Variants in RYR2 observed in about 807,000 individuals in gnomAD.
RYR2 encodes ryanodine receptor 2, also known as cardiac muscle ryanodine receptor-calcium release channel.
RYR2 carries 227 observed loss-of-function variants against 601.1 expected under a neutral mutation model. That is an observed-to-expected ratio of 0.38 (90% confidence interval 0.34 to 0.42). The LOEUF is 0.42. RYR2 is among the 10% of genes least tolerant of loss of function. RYR2 has a pLI of 1.00. For missense variants in RYR2, 4,646 were observed against 6,156.5 expected, an observed-to-expected ratio of 0.75 and a Z score of 8.21; for synonymous variants, 2,223 against 2,175.1, an observed-to-expected ratio of 1.02 and a Z score of -0.61.
intron 56 of RYR2, among the ~76,000 whole-genome samples, chr1:237,665,280 T>C (rs1684208065): frequency 6.6e-6 from 1 of 150,964 alleles, no homozygotes; most frequent in South Asian, 2.1e-4. Flanking sequence ...GTGCCTGTAA[T>C]CCCAGCTACT....
At chr1:237,808,313 C>T (rs1440112590) in intron 99 of RYR2, among the ~76,000 whole-genome samples, 1 of 151,978 alleles carries the variant, frequency 6.6e-6, no homozygotes, top group Non-Finnish European at 1.5e-5. Flanking sequence ...ACAGTCATAA[C>T]AAAAACGAAA....
At chr1:237,521,394 T>C (rs965545434) in intron 24 of RYR2, among the ~76,000 whole-genome samples, 4 of 152,184 alleles carry the variant, frequency 2.6e-5, no homozygotes, top group African/African-American at 9.7e-5. Flanking sequence ...GGTGACCATG[T>C]CAATCTTTCT....
rs1206114481 is a variant in RYR2, at chr1:237,723,140, G to A, written c.10567G>A (p.Ala3523Thr). Residue 3523 changes from alanine to threonine, a missense_variant, in exon 74 of 105, where the codon GCT (alanine) becomes ACT (threonine). Ala to Thr is a moderately conservative substitution (Grantham distance 58). Around this residue, in one of 17 missense-constraint regions of RYR2, gnomAD observed 1,497 missense variants for 1,842.6 expected, o/e 0.81. Coordinates refer to ENST00000366574, the MANE Select transcript of RYR2 (RefSeq NM_001035.3). ...CTTTTTTCTGCAGTTGGAGGATCCT[G>A]CTATTAGATGGCAAATGGCTCTTTA... ...IHLQGKLEDP[A>T]IRWQMALYKD... 19 of 1,608,754 alleles carry A rather than the reference G, an allele frequency of 1.2e-5. No homozygotes were observed. Among genetic ancestry groups the A allele is most frequent in the Non-Finnish European group, 1.5e-5 (18 of 1,178,298 alleles).
intron 99 of RYR2, among the ~76,000 whole-genome samples, chr1:237,807,839 A>G (rs1207101640): frequency 6.6e-6 from 1 of 152,218 alleles, no homozygotes; most frequent in Non-Finnish European, 1.5e-5. Flanking sequence ...GTTGCAGTCA[A>G]GACCATAAAG....
chr1:237,054,173 C>T (rs1489192012), intron 1 of RYR2, among the ~76,000 whole-genome samples: 1 of 151,428 alleles, frequency 6.6e-6, no homozygotes, highest in Non-Finnish European at 1.5e-5. Context: ...TCCTCCCTCC[C>T]TCCTTCCCTC....
At chr1:237,680,685 T>C in intron 62 of RYR2, 108 bp downstream of exon 62, 1 of 717,922 alleles carries the variant, frequency 1.4e-6, no homozygotes, top group Non-Finnish European at 2.2e-6. Context: ...ATCTGCCCAT[T>C]TCCCTGGTCC....
chr1:237,507,256 A>G (rs1665366734), intron 23 of RYR2, among the ~76,000 whole-genome samples: 1 of 152,228 alleles, frequency 6.6e-6, no homozygotes, highest in Non-Finnish European at 1.5e-5. Flanking sequence ...CCTGTGGGCA[A>G]GTGTTCCTAG....
intron 1 of RYR2, among the ~76,000 whole-genome samples, chr1:237,209,717 G>A (rs1682356124): frequency 6.6e-6 from 1 of 152,076 alleles, no homozygotes. Flanking sequence ...TTAGCCAGGT[G>A]TGGTGATGCA....
At chr1:237,333,188 T>G (rs778380465) in intron 3 of RYR2, among the ~76,000 whole-genome samples, 2 of 152,198 alleles carry the variant, frequency 1.3e-5, no homozygotes, top group Non-Finnish European at 2.9e-5. Flanking sequence ...AAGTATAATT[T>G]GAGGAAAAAC....
chr1:237,207,913 T>G (rs1462537086), intron 1 of RYR2, among the ~76,000 whole-genome samples: 1 of 152,232 alleles, frequency 6.6e-6, no homozygotes, highest in Admixed American at 6.5e-5. Flanking sequence ...ATTAATCTTT[T>G]CTTGTTTTTC....
intron 1 of RYR2, among the ~76,000 whole-genome samples, chr1:237,131,277 T>C (rs577429829): frequency 3.9e-5 from 6 of 152,172 alleles, no homozygotes; most frequent in African/African-American, 1.4e-4. Flanking sequence ...ACTCAACTTC[T>C]CACACTAATG....
At chr1:237,237,667 A>G (rs1685684519) in intron 1 of RYR2, among the ~76,000 whole-genome samples, 1 of 152,176 alleles carries the variant, frequency 6.6e-6, no homozygotes, top group African/African-American at 2.4e-5. Flanking sequence ...TATTTCTTTG[A>G]CATATTTTGA....
At chr1:237,385,484 C>T (rs1483631476) in intron 8 of RYR2, among the ~76,000 whole-genome samples, 2 of 152,270 alleles carry the variant, frequency 1.3e-5, no homozygotes, top group East Asian at 3.9e-4. Flanking sequence ...ATTACAAGCA[C>T]CCTTGGGGTG....
At chr1:237,399,437 C>A (rs1269716951) in intron 10 of RYR2, among the ~76,000 whole-genome samples, 1 of 152,050 alleles carries the variant, frequency 6.6e-6, no homozygotes. Context: ...CTTGAAGGAA[C>A]TTTGTGGCGT....
chr1:237,511,117 T>C (rs576417224), intron 23 of RYR2, among the ~76,000 whole-genome samples: 2 of 152,254 alleles, frequency 1.3e-5, no homozygotes, highest in East Asian at 3.9e-4. Context: ...TTACACAGGA[T>C]TTATTTCAAT....
At chr1:237,542,387 C>T (rs1412166674) in intron 25 of RYR2, among the ~76,000 whole-genome samples, 2 of 152,180 alleles carry the variant, frequency 1.3e-5, no homozygotes, top group African/African-American at 2.4e-5. Flanking sequence ...CACCTGAAAG[C>T]ATTCTACTGC....
rs186552982 is a variant in RYR2 at position 237,320,506 on chromosome 1, T to C, written c.169-10372T>C. 2.0e-5 allele frequency among the ~76,000 whole-genome samples: 3 copies of C among 152,352 alleles called. No homozygotes were observed. In the East Asian group the frequency reaches 5.8e-4, roughly 29 times the overall value. Reference sequence around the variant, plus strand: ...TAGGTTTATCATCTGTAAAGATTAATAGGACTCTGAAGTACCTCCAGATCA... The same window carrying C: ...TAGGTTTATCATCTGTAAAGATTAACAGGACTCTGAAGTACCTCCAGATCA... On this transcript the variant is annotated intron_variant, in intron 2 of 104. Transcript: ENST00000366574.
intron 1 of RYR2, among the ~76,000 whole-genome samples, chr1:237,244,024 C>G (rs111686979): frequency 5.3e-5 from 8 of 152,106 alleles, no homozygotes; most frequent in Admixed American, 1.3e-4. Context: ...TGGGAGGTAT[C>G]GGTCACTGGT....
At chr1:237,366,078 G>A (rs146472147) in intron 5 of RYR2, among the ~76,000 whole-genome samples, 4 of 152,276 alleles carry the variant, frequency 2.6e-5, no homozygotes, top group African/African-American at 9.6e-5. Context: ...ATTTTATCTC[G>A]CTTTCACCTT....
Sources: gnomAD v4.1 joint callset for allele counts (sites outside exome capture counted in the v4.1 genomes callset) on GRCh38, gnomAD v4.1.1 for gene constraint, gnomAD v4.1.1 regional missense constraint, MANE v1.5 for transcripts, NCBI Gene and HGNC (gene_info 2026-07-23, HGNC 2026-07-21) for gene names.